The following SPOCK3 variants were observed in gnomAD, a reference collection of about 807,000 sequenced individuals.
SPOCK3 encodes testican-3.
In SPOCK3, 30 loss-of-function variants were observed where a neutral mutation model predicts 56.6. The ratio of observed to expected loss-of-function variants is 0.53; its 90% CI spans 0.40 to 0.72. The LOEUF (loss-of-function observed/expected upper bound fraction) is 0.72, where lower values mean the gene tolerates loss of function less well. Ranked by LOEUF, SPOCK3 falls within the 30% of genes least tolerant of loss-of-function variation. The pLI is 0.00. For synonymous variants in SPOCK3, 196 were observed against 183.3 expected (o/e 1.07, Z -0.56); for missense variants, 527 against 530.0 (o/e 0.99, Z 0.06).
At chr4:167,217,756 T>C (rs1580660591) in intron 2 of SPOCK3, among the ~76,000 whole-genome samples, 1 of 152,092 alleles carries the variant, frequency 6.6e-6, no homozygotes, top group African/African-American at 2.4e-5. Context: ...TGGTGGATAA[T>C]ATAACATGTG....
At chr4:167,136,769 T>C (rs815235) in intron 2 of SPOCK3, among the ~76,000 whole-genome samples, 32,656 of 151,640 alleles carry the variant, frequency 0.22, 3,584 homozygotes, top group Middle Eastern at 0.28. Flanking sequence ...GCTGAGGGAG[T>C]GTTAAGCAAT....
At chr4:166,947,790 T>G (rs1369974802) in intron 4 of SPOCK3, among the ~76,000 whole-genome samples, 1 of 152,210 alleles carries the variant, frequency 6.6e-6, no homozygotes, top group Non-Finnish European at 1.5e-5. Context: ...TTTTGATAAA[T>G]GTATATATTG....
intron 6 of SPOCK3, among the ~76,000 whole-genome samples, chr4:166,850,686 T>G (rs746529093): frequency 8.5e-5 from 13 of 152,170 alleles, no homozygotes; most frequent in African/African-American, 1.4e-4. Flanking sequence ...TTCCCTTTCG[T>G]AGTCAAAGAA....
chr4:167,177,898 A>T (rs2150482181), intron 2 of SPOCK3, among the ~76,000 whole-genome samples: 1 of 152,196 alleles, frequency 6.6e-6, no homozygotes, highest in East Asian at 1.9e-4. Flanking sequence ...CAATACTAAG[A>T]CCTAGCTGTA....
At chr4:166,876,552 T>C (rs1461934741) in intron 6 of SPOCK3, among the ~76,000 whole-genome samples, 1 of 152,158 alleles carries the variant, frequency 6.6e-6, no homozygotes, top group Non-Finnish European at 1.5e-5. Context: ...TAATGTTGAA[T>C]AGATGATCCA....
In SPOCK3 at chr4:166,887,703, C is replaced by A. The variant is rs373977357; in HGVS notation, c.589+1427G>T. 7.8e-4 allele frequency among the ~76,000 whole-genome samples: 118 copies of A among 151,974 alleles called. No individual in the cohort carries two copies. The Middle Eastern group carries it at 0.014, about 18-fold the overall frequency. ...CTGGGTAGTTAAACTTAGACTGGGGCATGTCAGCAAGGATGAGGCTTAAAG... is the reference window on the plus strand; with the variant it reads ...CTGGGTAGTTAAACTTAGACTGGGGAATGTCAGCAAGGATGAGGCTTAAAG... On this transcript the variant is annotated intron_variant, in intron 6 of 10. Transcript: ENST00000357545.
intron 6 of SPOCK3, among the ~76,000 whole-genome samples, chr4:166,856,769 TC>T (rs1730715214): frequency 7.0e-6 from 1 of 143,414 alleles, no homozygotes; most frequent in South Asian, 2.3e-4. Flanking sequence ...GCAAGGCACT[TC>T]TCAAAAAAAT....
intron 2 of SPOCK3, among the ~76,000 whole-genome samples, chr4:167,192,980 T>C (rs1327844651): frequency 6.8e-6 from 1 of 146,186 alleles, no homozygotes; most frequent in East Asian, 2.1e-4. Flanking sequence ...ATAATCTTCT[T>C]AAATTTGTCA....
intron 2 of SPOCK3, among the ~76,000 whole-genome samples, chr4:167,139,536 TAATA>T (rs979690038): frequency 7.2e-5 from 11 of 152,012 alleles, no homozygotes; most frequent in Non-Finnish European, 1.0e-4. Flanking sequence ...GGGTAATAAT[TAATA>T]GTCAATTTCT....
intron 6 of SPOCK3, among the ~76,000 whole-genome samples, chr4:166,796,259 A>G (rs1013187642): frequency 6.6e-6 from 1 of 152,176 alleles, no homozygotes; most frequent in Non-Finnish European, 1.5e-5. Context: ...AAGAACATGA[A>G]TTTATTAAAG....
chr4:167,149,385 C>G (rs1206385017), intron 2 of SPOCK3, among the ~76,000 whole-genome samples: 1 of 151,940 alleles, frequency 6.6e-6, no homozygotes, highest in Non-Finnish European at 1.5e-5. Flanking sequence ...GTGCTTCTGG[C>G]TAAAAACTGT....
intron 6 of SPOCK3, among the ~76,000 whole-genome samples, chr4:166,805,858 C>T (rs2126706339): frequency 6.6e-6 from 1 of 152,210 alleles, no homozygotes; most frequent in Admixed American, 6.5e-5. Context: ...ACCATAAGTA[C>T]ACGTGTCAGA....
intron 2 of SPOCK3, among the ~76,000 whole-genome samples, chr4:167,148,722 AG>A (rs1364573861): frequency 6.6e-6 from 1 of 152,158 alleles, no homozygotes; most frequent in Non-Finnish European, 1.5e-5. Context: ...ATTTAATTTC[AG>A]ATTTTGAAAT....
intron 4 of SPOCK3, among the ~76,000 whole-genome samples, chr4:166,937,244 T>C: frequency 6.6e-6 from 1 of 151,868 alleles, no homozygotes; most frequent in East Asian, 1.9e-4. Context: ...AGAAAATAAA[T>C]GTAATACATT....
intron 8 of SPOCK3, among the ~76,000 whole-genome samples, chr4:166,747,750 C>A (rs1735838997): frequency 6.6e-6 from 1 of 152,004 alleles, no homozygotes; most frequent in South Asian, 2.1e-4. Flanking sequence ...TGTCTCAGCC[C>A]AAAATCCCCT....
intron 2 of SPOCK3, among the ~76,000 whole-genome samples, chr4:167,090,066 G>A (rs947677401): frequency 6.6e-6 from 1 of 152,070 alleles, no homozygotes; most frequent in Non-Finnish European, 1.5e-5. Flanking sequence ...GGGTAATTAC[G>A]AACCAAAGTG....
At chr4:166,981,172 C>T (rs545845588) in intron 4 of SPOCK3, among the ~76,000 whole-genome samples, 12 of 151,836 alleles carry the variant, frequency 7.9e-5, no homozygotes, top group African/African-American at 2.7e-4. Flanking sequence ...TGGGTAGCTC[C>T]TTTCCACAGG....
At chr4:167,156,565 CAT>C (rs1299839586) in intron 2 of SPOCK3, among the ~76,000 whole-genome samples, 3 of 152,112 alleles carry the variant, frequency 2.0e-5, no homozygotes, top group African/African-American at 7.2e-5. Context: ...AACTACAAGA[CAT>C]AAATGAGTTT....
chr4:166,773,879 T>TTA, intron 7 of SPOCK3, among the ~76,000 whole-genome samples: 1 of 152,278 alleles, frequency 6.6e-6, no homozygotes, highest in East Asian at 1.9e-4. Flanking sequence ...CAAATGGGGC[T>TTA]TATAGGATAT....
Sources: allele counts gnomAD v4.1 joint callset (sites outside exome capture counted in the v4.1 genomes callset), GRCh38; gene constraint gnomAD v4.1.1; transcripts MANE v1.5; gene names NCBI Gene and HGNC (gene_info 2026-07-23, HGNC 2026-07-21).